SPEF2: variants seen among roughly 807,000 people sequenced by gnomAD.
SPEF2 encodes the protein sperm flagella and cilia-associated protein 2.
Under a neutral mutation model 224.6 loss-of-function variants are expected in SPEF2, and 187 were observed. The ratio of observed to expected loss-of-function variants is 0.83; its 90% confidence interval spans 0.74 to 0.94. The LOEUF is 0.94. SPEF2 is among the 40% of genes least tolerant of loss of function. SPEF2 has a pLI of 0.00. For synonymous variants in SPEF2, 715 were observed against 707.3 expected (o/e 1.01, Z -0.17); for missense variants, 2,170 against 2,135.6 (o/e 1.02, Z -0.32).
At chr5:35,620,690 A>G (rs1420795742) in intron 1 of SPEF2, among the ~76,000 whole-genome samples, 2 of 152,222 alleles carry the variant, frequency 1.3e-5, no homozygotes, top group Non-Finnish European at 2.9e-5. Flanking sequence ...ATGAATTGTT[A>G]TGCAGTTATT....
intron 10 of SPEF2, among the ~76,000 whole-genome samples, chr5:35,671,928 T>C (rs552748476): frequency 6.6e-6 from 1 of 152,076 alleles, no homozygotes; most frequent in South Asian, 2.1e-4. Flanking sequence ...GACACCATAA[T>C]GGAAAATATG....
At chr5:35,802,630 G>A (rs183104612) in intron 34 of SPEF2, among the ~76,000 whole-genome samples, 2 of 152,294 alleles carry the variant, frequency 1.3e-5, no homozygotes, top group African/African-American at 4.8e-5. Flanking sequence ...TACAAACAGA[G>A]GCCCAAAGAA....
intron 20 of SPEF2, among the ~76,000 whole-genome samples, chr5:35,725,498 C>T (rs1398643743): frequency 2.0e-5 from 3 of 152,168 alleles, no homozygotes; most frequent in African/African-American, 7.2e-5. Flanking sequence ...CAATTCTAAC[C>T]TCCCAATCCT....
At chr5:35,636,992 GAAAAA>G (rs952567105) in intron 2 of SPEF2, among the ~76,000 whole-genome samples, 3 of 147,440 alleles carry the variant, frequency 2.0e-5, no homozygotes, top group Non-Finnish European at 4.5e-5. Flanking sequence ...AAAAAAAAAA[GAAAAA>G]AGAAAAGAAA....
chr5:35,812,554 A>T (rs1758608635), intron 36 of SPEF2, among the ~76,000 whole-genome samples: 1 of 152,230 alleles, frequency 6.6e-6, no homozygotes, highest in Non-Finnish European at 1.5e-5. Context: ...TGTGATAAAT[A>T]TATATTTATA....
chr5:35,767,616 A>T (rs1340407860), intron 26 of SPEF2, among the ~76,000 whole-genome samples: 1 of 152,104 alleles, frequency 6.6e-6, no homozygotes, highest in Non-Finnish European at 1.5e-5. Flanking sequence ...AGCAAAGAAA[A>T]GAGGGCAGAA....
intron 10 of SPEF2, chr5:35,671,639 G>A (rs907760375): frequency 1.7e-6 from 1 of 587,638 alleles, no homozygotes; most frequent in Admixed American, 6.3e-5. Context: ...CTCTATTCTT[G>A]TTGCTCTTAC....
intron 29 of SPEF2, among the ~76,000 whole-genome samples, chr5:35,777,831 T>C (rs1312578598): frequency 3.3e-5 from 5 of 152,060 alleles, no homozygotes; most frequent in Non-Finnish European, 5.9e-5. Context: ...TGTTTTAGTA[T>C]CCTGATGCCC....
intron 1 of SPEF2, among the ~76,000 whole-genome samples, chr5:35,618,974 A>G (rs1743074858): frequency 6.6e-6 from 1 of 152,074 alleles, no homozygotes; most frequent in Admixed American, 6.6e-5. Context: ...CCAGAGAGGC[A>G]GTGGTGCCAG....
At chr5:35,800,253 G>A in intron 34 of SPEF2, 106 bp downstream of exon 34, 2 of 1,274,136 alleles carry the variant, frequency 1.6e-6, no homozygotes, top group Non-Finnish European at 2.1e-6. Flanking sequence ...TATTTTCCTA[G>A]GTGTGTAATA....
At chr5:35,655,450 G>A (rs938749164) in intron 7 of SPEF2, among the ~76,000 whole-genome samples, 5 of 152,196 alleles carry the variant, frequency 3.3e-5, no homozygotes, top group Non-Finnish European at 5.9e-5. Context: ...CTGTTTATAG[G>A]AGCATCTACA....
chr5:35,703,963 TTTTA>T (rs893438753), intron 16 of SPEF2, among the ~76,000 whole-genome samples: 4 of 152,174 alleles, frequency 2.6e-5, no homozygotes, highest in African/African-American at 9.7e-5. Flanking sequence ...CTTTATGATT[TTTTA>T]TTTATTCTAA....
At chr5:35,681,062 A>G (rs1441088664) in intron 10 of SPEF2, among the ~76,000 whole-genome samples, 1 of 152,232 alleles carries the variant, frequency 6.6e-6, no homozygotes, top group Non-Finnish European at 1.5e-5. Context: ...GAGTTAATAA[A>G]TTACCTAACC....
Position 35,795,713 on chromosome 5 carries a change from GGTTTACAGGA to G in SPEF2, c.4750_4759del (p.Phe1584MetfsTer4). ...TTATTTTTTATGTAGGCTGGTCTGT[GGTTTACAGGA>G]GATGAAGATATAAAAATTCCAGAAA... On this transcript the variant is annotated frameshift_variant, in exon 33 of 37. Coordinates refer to ENST00000356031, the MANE Select transcript of SPEF2 (RefSeq NM_024867.4). LOFTEE classifies it high-confidence loss of function. 6.2e-7 allele frequency: 1 copy of G among 1,613,098 alleles called. No homozygotes were observed. The highest frequency in any genetic ancestry group is 1.1e-5 in the South Asian group (1 of 90,848).
At chr5:35,766,058 G>A (rs1289116182) in intron 26 of SPEF2, among the ~76,000 whole-genome samples, 1 of 152,020 alleles carries the variant, frequency 6.6e-6, no homozygotes, top group African/African-American at 2.4e-5. Context: ...TTTAGTCTTT[G>A]AATGAGATAA....
chr5:35,713,715 G>T (rs1741695772), intron 20 of SPEF2, among the ~76,000 whole-genome samples: 1 of 133,456 alleles, frequency 7.5e-6, no homozygotes, highest in Admixed American at 8.8e-5. Context: ...TCCAGCCTGG[G>T]TGACAGACTC....
chr5:35,618,475 T>C lies in SPEF2; in HGVS notation c.58+420T>C, dbSNP rs145686242. ...CTTCACATCACCAGAAGCAGAAGCATGGTGTGGTGGCTAGTCGATGAAATA... is the reference window on the plus strand; with the variant it reads ...CTTCACATCACCAGAAGCAGAAGCACGGTGTGGTGGCTAGTCGATGAAATA... On this transcript the variant is annotated intron_variant, in intron 1 of 36. Transcript: ENST00000356031. Among the ~76,000 whole-genome samples the C allele has an allele frequency of 9.7e-3, 1,481 of 152,258 alleles. 24 individuals are homozygous for C. The highest frequency in any genetic ancestry group is 0.033 in the African/African-American group (1,364 of 41,546).
intron 10 of SPEF2, among the ~76,000 whole-genome samples, chr5:35,681,980 T>G (rs1752885796): frequency 6.6e-6 from 1 of 152,196 alleles, no homozygotes; most frequent in African/African-American, 2.4e-5. Context: ...TAAATTCAAA[T>G]TTCCCTGAAA....
chr5:35,627,059 A>C (rs1422182052), intron 1 of SPEF2, among the ~76,000 whole-genome samples: 2 of 151,302 alleles, frequency 1.3e-5, no homozygotes, highest in East Asian at 1.9e-4. Flanking sequence ...ATTTTAACCG[A>C]TGTTAAAATA....
Sources: gnomAD v4.1 joint callset for allele counts (sites outside exome capture counted in the v4.1 genomes callset) on GRCh38, gnomAD v4.1.1 for gene constraint, MANE v1.5 for transcripts, NCBI Gene and HGNC (gene_info 2026-07-23, HGNC 2026-07-21) for gene names.